The following GRM8 variants were observed in gnomAD, a reference collection of about 807,000 sequenced individuals.
The protein encoded by GRM8 is glutamate metabotropic receptor 8.
In GRM8, 47 loss-of-function variants were observed where a neutral mutation model predicts 87.2. That is an observed-to-expected ratio of 0.54 (90% CI 0.43 to 0.69). The LOEUF (loss-of-function observed/expected upper bound fraction) is 0.69, where lower values mean the gene tolerates loss of function less well. Ranked by LOEUF, GRM8 falls within the 30% of genes least tolerant of loss-of-function variation. GRM8 has a pLI of 0.00. For missense variants in GRM8, 1,019 were observed against 1,139.2 expected (o/e 0.89, Z 1.52); for synonymous variants, 396 against 404.5 (o/e 0.98, Z 0.25).
chr7:126,468,029 T>C (rs1303743405), intron 9 of GRM8, among the ~76,000 whole-genome samples: 1 of 152,034 alleles, frequency 6.6e-6, no homozygotes, highest in African/African-American at 2.4e-5. Flanking sequence ...TATAACGATA[T>C]CATCTCTAAT....
chr7:126,543,195 T>G (rs1816742667), intron 8 of GRM8, among the ~76,000 whole-genome samples: 1 of 152,196 alleles, frequency 6.6e-6, no homozygotes, highest in Non-Finnish European at 1.5e-5. Context: ...GATTATGTAT[T>G]TGTTTGATTT....
chr7:126,655,483 CTCTCTCTCTGTTGCTG>C (rs1804416479), intron 7 of GRM8, among the ~76,000 whole-genome samples: 1 of 151,994 alleles, frequency 6.6e-6, no homozygotes, highest in African/African-American at 2.4e-5. Flanking sequence ...CTCTCTCTCT[CTCTCTCTCTGTTGCTG>C]TCTCTCTCTC....
chr7:126,838,550 C>T (rs1246214909), intron 6 of GRM8, among the ~76,000 whole-genome samples: 2 of 152,162 alleles, frequency 1.3e-5, no homozygotes, highest in Admixed American at 6.6e-5. Context: ...TTCTTGAAGG[C>T]CCCTAGAGGT....
intron 9 of GRM8, among the ~76,000 whole-genome samples, chr7:126,490,826 G>A (rs1483869036): frequency 6.6e-6 from 1 of 152,028 alleles, no homozygotes; most frequent in Non-Finnish European, 1.5e-5. Flanking sequence ...TTTTCATATA[G>A]GTGATCTCTA....
chr7:127,135,401 A>C (rs1461897635), intron 2 of GRM8, among the ~76,000 whole-genome samples: 1 of 152,044 alleles, frequency 6.6e-6, no homozygotes, highest in African/African-American at 2.4e-5. Flanking sequence ...AGATATTTGA[A>C]AATAATAGAA....
chr7:127,150,572 C>T (rs192030886), intron 2 of GRM8, among the ~76,000 whole-genome samples: 25 of 152,192 alleles, frequency 1.6e-4, no homozygotes, highest in Non-Finnish European at 2.4e-4. Context: ...TCATTGACAA[C>T]GACTATAATA....
intron 7 of GRM8, among the ~76,000 whole-genome samples, chr7:126,630,973 A>G (rs1391946391): frequency 6.6e-6 from 1 of 152,202 alleles, no homozygotes; most frequent in East Asian, 1.9e-4. Flanking sequence ...AGCTGGCACA[A>G]GACAAGGATG....
intron 6 of GRM8, among the ~76,000 whole-genome samples, chr7:126,863,919 G>T (rs2130835883): frequency 6.7e-6 from 1 of 148,780 alleles, no homozygotes; most frequent in South Asian, 2.1e-4. Flanking sequence ...CTATACCACT[G>T]TTTTTTCTTT....
At chr7:126,451,942 A>G (rs1001208860) in intron 9 of GRM8, among the ~76,000 whole-genome samples, 27 of 151,630 alleles carry the variant, frequency 1.8e-4, no homozygotes, top group African/African-American at 4.8e-5. Context: ...TATATATTTT[A>G]CTCATTTAAT....
chr7:126,471,659 G>T (rs1391806548), intron 9 of GRM8, among the ~76,000 whole-genome samples: 2 of 151,824 alleles, frequency 1.3e-5, no homozygotes, highest in East Asian at 3.9e-4. Flanking sequence ...GCTTAGGATT[G>T]ACTTGGCGAT....
intron 8 of GRM8, among the ~76,000 whole-genome samples, chr7:126,551,771 C>G (rs763843535): frequency 6.6e-6 from 1 of 151,984 alleles, no homozygotes; most frequent in South Asian, 2.1e-4. Context: ...ACAAAGGGAA[C>G]GTAGCTAGCT....
rs114713159 is a variant in GRM8, at chr7:126,461,429, C to T, written c.2431-15057G>A. ...TCTGCCCTTGTGGTCTTAACTGAAA[C>T]TGCTCTTTCCAAGAGAGTTGTTTCC... On this transcript the variant is annotated intron_variant, in intron 9 of 10. Transcript: ENST00000339582. 6.0e-4 allele frequency among the ~76,000 whole-genome samples: 91 copies of T among 151,712 alleles called. 1 individual carries two copies. The highest frequency in any genetic ancestry group is 2.1e-3 in the African/African-American group (86 of 41,482).
chr7:126,598,881 C>T (rs908098243), intron 8 of GRM8, among the ~76,000 whole-genome samples: 3 of 152,012 alleles, frequency 2.0e-5, no homozygotes, highest in Non-Finnish European at 4.4e-5. Flanking sequence ...CTCTTCATTC[C>T]CCACAATGTT....
At chr7:126,807,063 G>A (rs2151728226) in intron 6 of GRM8, among the ~76,000 whole-genome samples, 1 of 152,294 alleles carries the variant, frequency 6.6e-6, no homozygotes, top group East Asian at 1.9e-4. Context: ...TCACTACCAG[G>A]GGATATACAT....
intron 3 of GRM8, among the ~76,000 whole-genome samples, chr7:127,041,673 C>G (rs1051404014): frequency 1.3e-5 from 2 of 152,146 alleles, no homozygotes; most frequent in African/African-American, 4.8e-5. Context: ...GTTTGGAAAT[C>G]AGAGAGACAC....
At chr7:127,162,424 A>G (rs1793174543) in intron 2 of GRM8, among the ~76,000 whole-genome samples, 1 of 152,168 alleles carries the variant, frequency 6.6e-6, no homozygotes, top group Admixed American at 6.5e-5. Context: ...GCCAGAAGAG[A>G]AAGCAGCAGA....
chr7:127,229,566 G>A (rs1286274827), intron 2 of GRM8: 1 of 152,120 alleles, frequency 6.6e-6, no homozygotes, highest in African/African-American at 2.4e-5. Context: ...TCTATCCAGT[G>A]GTTTCAAAGG....
At chr7:126,692,000 T>C (rs113239985) in intron 7 of GRM8, among the ~76,000 whole-genome samples, 3 of 152,280 alleles carry the variant, frequency 2.0e-5, no homozygotes, top group Admixed American at 6.5e-5. Flanking sequence ...TGGAGTTCTT[T>C]CTCAATGGCA....
At chr7:126,885,885 C>T (rs1420664662) in intron 6 of GRM8, among the ~76,000 whole-genome samples, 2 of 152,186 alleles carry the variant, frequency 1.3e-5, no homozygotes, top group East Asian at 3.9e-4. Context: ...AATCCAAAGG[C>T]CAGTTTTTTT....
Sources: allele counts gnomAD v4.1 joint callset (sites outside exome capture counted in the v4.1 genomes callset), GRCh38; gene constraint gnomAD v4.1.1; transcripts MANE v1.5; gene names NCBI Gene and HGNC (gene_info 2026-07-23, HGNC 2026-07-21).